CFTR: variants seen among roughly 807,000 people sequenced by gnomAD.
The protein encoded by CFTR is CF transmembrane conductance regulator, also known as cystic fibrosis transmembrane conductance regulator.
CFTR carries 181 observed loss-of-function variants against 171.6 expected under a neutral mutation model. The observed-to-expected ratio is 1.05, with a 90% CI of 0.93 to 1.19. CFTR has a LOEUF of 1.19. Ranked by LOEUF, CFTR falls within the 50% of genes most tolerant of loss-of-function variation. The probability of loss-of-function intolerance (pLI) is 0.00; values close to 1 mark genes in which losing one functional copy is unlikely to be tolerated. For missense variants in CFTR, 1,968 were observed against 1,734.7 expected, an observed-to-expected ratio of 1.13 and a Z score of -2.39; for synonymous variants, 583 against 608.0, an observed-to-expected ratio of 0.96 and a Z score of 0.60.
At chr7:117,488,243 T>G (rs1798104066) in intron 1 of CFTR, among the ~76,000 whole-genome samples, 1 of 152,152 alleles carries the variant, frequency 6.6e-6, no homozygotes, top group African/African-American at 2.4e-5. Flanking sequence ...CATATAACTT[T>G]TACATGTTGC....
chr7:117,668,508 T>C lies in CFTR; in HGVS notation c.*1400T>C, dbSNP rs1793422130. 1 of 152,590 alleles carries C rather than the reference T, an allele frequency of 6.6e-6. No homozygotes were observed. Among genetic ancestry groups the C allele is most frequent in the Admixed American group, 6.5e-5 (1 of 15,268 alleles). 9.5% of individuals were successfully genotyped at this position (152,590 alleles called of 1,614,324 possible). A position where few individuals can be genotyped will look rare whatever the true frequency, so the allele number is the denominator to read the frequency against. ...ATGATTCCCAGCCAGCACAGCCTCTTAGATGCAGTTCTGAAGAAGATGGTA... is the reference window on the plus strand; with the variant it reads ...ATGATTCCCAGCCAGCACAGCCTCTCAGATGCAGTTCTGAAGAAGATGGTA... On this transcript the variant is annotated 3_prime_UTR_variant, in exon 27 of 27. Transcript: ENST00000003084.
rs141859475 is a variant in CFTR at position 117,635,459 on chromosome 7, T to C, written c.3718-6979T>C. Among the ~76,000 whole-genome samples the C allele has an allele frequency of 1.3e-3, 200 of 152,270 alleles. 1 individual carries two copies. The Middle Eastern group carries it at 0.014, about 10-fold the overall frequency. On this transcript the variant is annotated intron_variant, in intron 22 of 26. Coordinates refer to ENST00000003084, the MANE Select transcript of CFTR (RefSeq NM_000492.4). ...TATTTTAAGTGATTATTGATATAGT[T>C]AGATAAACATCTACTATATTTATTA...
At chr7:117,481,358 G>A (rs376516414) in intron 1 of CFTR, among the ~76,000 whole-genome samples, 4 of 152,208 alleles carry the variant, frequency 2.6e-5, no homozygotes, top group African/African-American at 9.6e-5. Flanking sequence ...ATGTTAATTG[G>A]CATAAATTAT....
chr7:117,602,183 C>A (rs1440038420), intron 15 of CFTR, among the ~76,000 whole-genome samples: 2 of 152,200 alleles, frequency 1.3e-5, no homozygotes, highest in African/African-American at 4.8e-5. Context: ...CAGGTGTACA[C>A]CACCAGGCCT....
intron 3 of CFTR, among the ~76,000 whole-genome samples, chr7:117,519,856 G>A (rs1798659266): frequency 6.6e-6 from 1 of 151,658 alleles, no homozygotes; most frequent in African/African-American, 2.4e-5. Flanking sequence ...TACTATAAAA[G>A]GTCCTTCAGT....
At chr7:117,480,902 G>A (rs968724513) in intron 1 of CFTR, among the ~76,000 whole-genome samples, 1 of 152,148 alleles carries the variant, frequency 6.6e-6, no homozygotes, top group Admixed American at 6.5e-5. Flanking sequence ...TAGGCAAAGT[G>A]TTGTTAGATG....
At chr7:117,663,705 A>T (rs1277590478) in intron 24 of CFTR, among the ~76,000 whole-genome samples, 1 of 152,152 alleles carries the variant, frequency 6.6e-6, no homozygotes, top group Non-Finnish European at 1.5e-5. Context: ...ATCTCATTCT[A>T]TATTACAGTC....
intron 4 of CFTR, among the ~76,000 whole-genome samples, chr7:117,533,600 A>G (rs966550384): frequency 3.3e-5 from 5 of 152,118 alleles, no homozygotes; most frequent in African/African-American, 9.7e-5. Flanking sequence ...AAAGTGATCT[A>G]ATAGCAAATC....
chr7:117,560,321 A>C (rs1417799083), intron 11 of CFTR, among the ~76,000 whole-genome samples: 1 of 152,134 alleles, frequency 6.6e-6, no homozygotes, highest in Non-Finnish European at 1.5e-5. Flanking sequence ...TGTGCTGTTC[A>C]CTATGTAAAT....
intron 22 of CFTR, among the ~76,000 whole-genome samples, chr7:117,634,001 C>T (rs1363215056): frequency 6.6e-6 from 1 of 151,910 alleles, no homozygotes; most frequent in Non-Finnish European, 1.5e-5. Context: ...GTAATGCTGG[C>T]CTCATAGCAT....
intron 10 of CFTR, among the ~76,000 whole-genome samples, chr7:117,556,680 C>T (rs1184777720): frequency 3.4e-5 from 5 of 149,228 alleles, no homozygotes; most frequent in African/African-American, 4.9e-5. Context: ...CCACTACGCC[C>T]GGCTAATTTT....
chr7:117,663,411 A>G (rs1224680865), intron 24 of CFTR, among the ~76,000 whole-genome samples: 1 of 152,082 alleles, frequency 6.6e-6, no homozygotes, highest in Non-Finnish European at 1.5e-5. Context: ...ATGAATTTCT[A>G]CAAGGTGAGA....
At chr7:117,501,682 G>A (rs2116631341) in intron 1 of CFTR, among the ~76,000 whole-genome samples, 1 of 144,824 alleles carries the variant, frequency 6.9e-6, no homozygotes, top group East Asian at 2.0e-4. Flanking sequence ...AGGAGGTGGA[G>A]GTTGTGGTGA....
intron 11 of CFTR, among the ~76,000 whole-genome samples, chr7:117,565,786 A>G (rs1791591872): frequency 6.6e-6 from 1 of 152,150 alleles, no homozygotes; most frequent in Admixed American, 6.5e-5. Flanking sequence ...AGAAGAAAAA[A>G]ATTGGGAGGG....
Position 117,581,122 on chromosome 7 carries a change from G to A in CFTR, c.1585-6617G>A, listed in dbSNP as rs562397039. ...TTAATTGGTCATCTCTAGTGTGGTC[G>A]TGCTTGGAAGGTGAAAGAAGCCAAG... On this transcript the variant is annotated intron_variant, in intron 11 of 26. Transcript: ENST00000003084. Among the ~76,000 whole-genome samples, 41 of 152,198 alleles carry A rather than the reference G, an allele frequency of 2.7e-4. No homozygotes were observed. The South Asian group carries it at 5.6e-3, about 21-fold the overall frequency.
At chr7:117,634,917 G>C (rs937045053) in intron 22 of CFTR, among the ~76,000 whole-genome samples, 1 of 152,118 alleles carries the variant, frequency 6.6e-6, no homozygotes, top group South Asian at 2.1e-4. Flanking sequence ...GGAAGACTGT[G>C]TATTCTGCTA....
Position 117,641,700 on chromosome 7 carries a change from T to C in CFTR, c.3718-738T>C, listed in dbSNP as rs1353715993. 3.3e-5 allele frequency among the ~76,000 whole-genome samples: 5 copies of C among 152,196 alleles called. No homozygotes were observed. The East Asian group carries it at 9.6e-4, about 29-fold the overall frequency. Reference sequence around the variant, plus strand: ...CTCTCTGTGGGTCACCTCTAGCACTTGATCTCCTCATGCAGTGCATGGTGC... The same window carrying C: ...CTCTCTGTGGGTCACCTCTAGCACTCGATCTCCTCATGCAGTGCATGGTGC... On this transcript the variant is annotated intron_variant, in intron 22 of 26. Coordinates refer to ENST00000003084, the MANE Select transcript of CFTR (RefSeq NM_000492.4).
chr7:117,558,553 C>A (rs1584797822), intron 10 of CFTR, among the ~76,000 whole-genome samples: 1 of 145,206 alleles, frequency 6.9e-6, no homozygotes, highest in African/African-American at 2.6e-5. Context: ...GACTCTGTCT[C>A]TAAATAAATA....
At chr7:117,539,306 G>A (rs889413657) in intron 7 of CFTR, among the ~76,000 whole-genome samples, 14 of 152,268 alleles carry the variant, frequency 9.2e-5, no homozygotes, top group African/African-American at 3.4e-4. Flanking sequence ...AAGATTGAAC[G>A]TATAGTGTAA....
Sources: allele counts gnomAD v4.1 joint callset (sites outside exome capture counted in the v4.1 genomes callset), GRCh38; gene constraint gnomAD v4.1.1; transcripts MANE v1.5; gene names NCBI Gene and HGNC (gene_info 2026-07-23, HGNC 2026-07-21).